The following USP43 variants were observed in gnomAD, a reference collection of about 807,000 sequenced individuals.
USP43 encodes the protein ubiquitin carboxyl-terminal hydrolase 43.
Under a neutral mutation model 90.7 loss-of-function variants are expected in USP43, and 33 were observed. That is an observed-to-expected ratio of 0.36 (90% CI 0.28 to 0.49). USP43 has a LOEUF of 0.49. Among genes scored for constraint, USP43 ranks in the 20% least tolerant of loss-of-function variants. USP43 has a pLI of 0.98. For missense variants in USP43, 1,274 were observed against 1,476.4 expected (o/e 0.86, Z 2.25); for synonymous variants, 598 against 615.8 (o/e 0.97, Z 0.43).
At chr17:9,672,190 T>C (rs1156496106) in intron 3 of USP43, among the ~76,000 whole-genome samples, 4 of 152,060 alleles carry the variant, frequency 2.6e-5, no homozygotes, top group Non-Finnish European at 5.9e-5. Context: ...AGAGATGGGG[T>C]TTCACCATGT....
At chr17:9,723,860 C>T (rs1410666630) in intron 14 of USP43, among the ~76,000 whole-genome samples, 5 of 152,022 alleles carry the variant, frequency 3.3e-5, no homozygotes, top group African/African-American at 1.2e-4. Flanking sequence ...CCACCCGCCT[C>T]GGCCTCCCAA....
chr17:9,673,093 C>CG (rs1567655827), intron 3 of USP43, among the ~76,000 whole-genome samples: 3 of 152,044 alleles, frequency 2.0e-5, no homozygotes, highest in Admixed American at 2.0e-4. Flanking sequence ...GTGTCCTCAG[C>CG]GAAGTTAATG....
intron 7 of USP43, among the ~76,000 whole-genome samples, chr17:9,685,624 G>A (rs1914555995): frequency 6.6e-6 from 1 of 152,126 alleles, no homozygotes. Context: ...TTTGTTACAA[G>A]GTTCTCTGAT....
chr17:9,681,463 T>TTTTTAA (rs36168011), intron 6 of USP43, among the ~76,000 whole-genome samples: 1 of 19,498 alleles, frequency 5.1e-5, no homozygotes, highest in Admixed American at 1.0e-3. Flanking sequence ...TAAAATATAT[T>TTTTTAA]ATATATATAT....
At chr17:9,690,501 A>T (rs1190323968) in intron 8 of USP43, among the ~76,000 whole-genome samples, 1 of 152,212 alleles carries the variant, frequency 6.6e-6, no homozygotes, top group East Asian at 1.9e-4. Context: ...TATCACCATC[A>T]CTACTATGTA....
intron 12 of USP43, among the ~76,000 whole-genome samples, chr17:9,703,464 AT>A (rs1379476490): frequency 1.3e-5 from 2 of 152,148 alleles, no homozygotes; most frequent in Non-Finnish European, 2.9e-5. Flanking sequence ...AGAATGCCCG[AT>A]TTTGGGGGTG....
intron 2 of USP43, among the ~76,000 whole-genome samples, chr17:9,661,496 A>G (rs1912635136): frequency 6.6e-6 from 1 of 152,174 alleles, no homozygotes; most frequent in Admixed American, 6.5e-5. Context: ...AGTAGCTGTG[A>G]CTACAGGGAT....
At chr17:9,721,533 T>C (rs1916952778) in intron 14 of USP43, among the ~76,000 whole-genome samples, 1 of 152,176 alleles carries the variant, frequency 6.6e-6, no homozygotes. Context: ...ACATGATTAC[T>C]ATTTTGTAAA....
At chr17:9,681,328 A>G (rs1914215774) in intron 6 of USP43, among the ~76,000 whole-genome samples, 2 of 112,218 alleles carry the variant, frequency 1.8e-5, no homozygotes. Context: ...AAATATATAT[A>G]TAAATAAATA....
At position 9,706,732 on chromosome 17, in the gene USP43, C is replaced by T. The variant is rs933346273; in HGVS notation, c.2012-3224C>T. 4.0e-5 allele frequency among the ~76,000 whole-genome samples: 6 copies of T among 150,170 alleles called. No individual in the cohort carries two copies. The Admixed American group carries it at 4.0e-4, about 10-fold the overall frequency. ...GATATCGGCTCACTGCAACCTCTGC[C>T]TCCCGGGTTCTAGTGATTCTCCTGC... On this transcript the variant is annotated intron_variant, in intron 12 of 14. Coordinates refer to ENST00000285199, the MANE Select transcript of USP43 (RefSeq NM_153210.5).
chr17:9,693,694 C>T (rs746385051), intron 9 of USP43, among the ~76,000 whole-genome samples: 14 of 152,036 alleles, frequency 9.2e-5, no homozygotes, highest in South Asian at 2.1e-4. Context: ...AAAAATTAGC[C>T]GGTCGTGGTA....
chr17:9,668,351 C>A (rs1168798714), intron 3 of USP43, among the ~76,000 whole-genome samples: 2 of 152,142 alleles, frequency 1.3e-5, no homozygotes, highest in Non-Finnish European at 2.9e-5. Flanking sequence ...GATTTGTATT[C>A]TTTGTGTTTG....
chr17:9,675,106 A>G, intron 4 of USP43, 123 bp downstream of exon 4: 1 of 834,914 alleles, frequency 1.2e-6, no homozygotes, highest in South Asian at 1.5e-5. Flanking sequence ...TTCTCTGGAA[A>G]CCAGCCTTAT....
chr17:9,705,218 A>G (rs971060524), intron 12 of USP43, among the ~76,000 whole-genome samples: 1 of 150,504 alleles, frequency 6.6e-6, no homozygotes, highest in African/African-American at 2.4e-5. Context: ...ATACATATAT[A>G]TGTGTTGATT....
At chr17:9,725,920 A>G (rs1424537110) in intron 14 of USP43, among the ~76,000 whole-genome samples, 1 of 152,152 alleles carries the variant, frequency 6.6e-6, no homozygotes, top group African/African-American at 2.4e-5. Context: ...CTTCACACAC[A>G]TCTCAGACCC....
intron 13 of USP43, among the ~76,000 whole-genome samples, chr17:9,710,767 T>C (rs1916146150): frequency 6.6e-6 from 1 of 152,046 alleles, no homozygotes; most frequent in South Asian, 2.1e-4. Flanking sequence ...TCTCAGCCTC[T>C]CTAAGGTAGC....
rs939276279 is a variant in USP43 at position 9,674,345 on chromosome 17, T to C, written c.741-546T>C. 3.3e-5 allele frequency among the ~76,000 whole-genome samples: 5 copies of C among 152,166 alleles called. No individual in the cohort carries two copies. The highest frequency in any genetic ancestry group is 1.2e-4 in the African/African-American group (5 of 41,430). ...ATCAGTGACATGTACATTCACAGTGTTGTGCAGCTACCACCTCCTAGTTCC... is the reference window on the plus strand; with the variant it reads ...ATCAGTGACATGTACATTCACAGTGCTGTGCAGCTACCACCTCCTAGTTCC... On this transcript the variant is annotated intron_variant, in intron 3 of 14. Transcript: ENST00000285199. This position sits in a 1 kb window ranked among gnomAD's most constrained non-coding sequence, Gnocchi z 4.4.
chr17:9,678,608 G>A (rs1913948824), intron 5 of USP43, among the ~76,000 whole-genome samples: 1 of 152,130 alleles, frequency 6.6e-6, no homozygotes. Context: ...CCAAAGTGTT[G>A]GGATTACAGG....
intron 14 of USP43, 53 bp downstream of exon 14, chr17:9,712,185 T>C: frequency 1.3e-6 from 2 of 1,499,734 alleles, no homozygotes; most frequent in Non-Finnish European, 1.8e-6. Flanking sequence ...ATGTCTGTTG[T>C]TATTGCTCAG....
Sources: allele counts gnomAD v4.1 joint callset (sites outside exome capture counted in the v4.1 genomes callset), GRCh38; gene constraint gnomAD v4.1.1; non-coding constraint Gnocchi (gnomAD v3.1); transcripts MANE v1.5; gene names NCBI Gene and HGNC (gene_info 2026-07-23, HGNC 2026-07-21).